The following PLIN1 variants were observed in gnomAD, a reference collection of about 807,000 sequenced individuals.
The protein encoded by PLIN1 is perilipin 1.
A neutral mutation model predicts 45.8 loss-of-function variants in PLIN1; 37 were observed. That is an observed-to-expected ratio of 0.81 (90% CI 0.62 to 1.06). The LOEUF (loss-of-function observed/expected upper bound fraction) is 1.06. Ranked by LOEUF, PLIN1 falls within the 50% of genes least tolerant of loss-of-function variation. The pLI, the probability that PLIN1 is intolerant of heterozygous loss-of-function variation, is 0.00. For missense variants in PLIN1, 776 were observed against 716.5 expected (o/e 1.08, Z -0.95); for synonymous variants, 340 against 309.2 (o/e 1.10, Z -1.05).
chr15:89,672,528 G>T (rs1237363513), intron 3 of PLIN1, among the ~76,000 whole-genome samples: 2 of 152,210 alleles, frequency 1.3e-5, no homozygotes, highest in Non-Finnish European at 2.9e-5. Flanking sequence ...TTGCTGTGTG[G>T]AGTCCTCAGC....
At chr15:89,666,401 T>C (rs1305287447) in intron 8 of PLIN1, among the ~76,000 whole-genome samples, 1 of 152,178 alleles carries the variant, frequency 6.6e-6, no homozygotes, top group Non-Finnish European at 1.5e-5. Context: ...CTTTCTGCCC[T>C]GACCAGCCCC....
chr15:89,667,582 G>A lies in PLIN1; in HGVS notation c.963+20C>T, dbSNP rs781691900. ...CTTCTGTGGGCTGGGGGACCTTGAG[G>A]CTCCCACTCTCCCCCTCACCTCACT... On this transcript the variant is annotated intron_variant, in intron 7 of 8. Transcript: ENST00000300055. The A allele has an allele frequency of 6.2e-7, 1 of 1,614,062 alleles. No individual in the cohort carries two copies. The highest frequency in any genetic ancestry group is 2.2e-5 in the East Asian group (1 of 44,870).
Position 89,667,743 on chromosome 15 carries a change from C to T in PLIN1, c.822G>A (p.Arg274=), listed in dbSNP as rs1341739037. The change falls in exon 7 of 9, where the codon CGG becomes CGA. Residue 274 remains arginine, a synonymous_variant. Coordinates refer to ENST00000300055, the MANE Select transcript of PLIN1 (RefSeq NM_002666.5). ...AGGGTACCCGCACTTCGCTCCTCCG[C>T]CGGGACACCGCCTGCATGGCCACTG... is the stretch of plus-strand genomic sequence containing the variant. ...GASVAMQAVS[R]RRSEVRVPWL... 6.4e-7 allele frequency: 1 copy of T among 1,566,620 alleles called. No homozygotes were observed.
Position 89,667,742 on chromosome 15 carries a change from G to A in PLIN1, c.823C>T (p.Arg275Trp), listed in dbSNP as rs531935826. Residue 275 changes from arginine to tryptophan, a missense_variant, in exon 7 of 9, where the codon CGG becomes TGG. Coordinates refer to ENST00000300055, the MANE Select transcript of PLIN1 (RefSeq NM_002666.5). The part of the protein sequence containing the change: ...ASVAMQAVSR[R>W]RSEVRVPWLH... The stretch of plus-strand genomic sequence containing the variant: ...CAGGGTACCCGCACTTCGCTCCTCC[G>A]CCGGGACACCGCCTGCATGGCCACT... 6.3e-5 allele frequency: 99 copies of A among 1,567,412 alleles called. No homozygotes were observed. Among genetic ancestry groups the A allele is most frequent in the Non-Finnish European group, 7.3e-5 (84 of 1,156,138 alleles).
intron 5 of PLIN1, 94 bp from the exon 6 acceptor site, chr15:89,669,766 A>G (rs1481292012): frequency 1.8e-6 from 2 of 1,092,668 alleles, no homozygotes; most frequent in East Asian, 7.7e-5. Flanking sequence ...TAGGTGTTCT[A>G]GGTCCACCAC....
At chr15:89,670,352 A>G (rs1964422378) in intron 4 of PLIN1, 108 bp from the exon 5 acceptor site, 2 of 1,168,326 alleles carry the variant, frequency 1.7e-6, no homozygotes, top group East Asian at 2.4e-5. Context: ...GGCATCACCT[A>G]AAGGCCCAGG....
At position 89,667,182 on chromosome 15, in the gene PLIN1, C is replaced by G. The variant is rs201579932; in HGVS notation, c.964-1G>C. 19 of 1,612,986 alleles carry G rather than the reference C, an allele frequency of 1.2e-5. No individual in the cohort carries two copies. In the East Asian group the frequency reaches 3.8e-4, roughly 32 times the overall value. ...CTCGAGGGCCTGGCAGGGCTGCTAC[C>G]TGGGGGCCAAAGCAGGGTCAGTGCC... On this transcript the variant is annotated splice_acceptor_variant, in intron 7 of 8. Transcript: ENST00000300055. LOFTEE classifies it high-confidence loss of function.
At chr15:89,672,726 T>C (rs910212072) in intron 3 of PLIN1, among the ~76,000 whole-genome samples, 1 of 152,230 alleles carries the variant, frequency 6.6e-6, no homozygotes, top group Admixed American at 6.5e-5. Context: ...CTGGAGGCTC[T>C]CTGCCACCCC....
In PLIN1 at chr15:89,669,496, T is replaced by C; in HGVS notation, c.771+4A>G. ...GTCAGTCAGAGCTCACGGCAGATAC[T>C]TACCAGGGGCACCACGCCTGGGATC... is the stretch of plus-strand genomic sequence containing the variant. On this transcript the variant is annotated splice_donor_region_variant and intron_variant, in intron 6 of 8. Coordinates refer to ENST00000300055, the MANE Select transcript of PLIN1 (RefSeq NM_002666.5). The C allele has an allele frequency of 6.2e-7, 1 of 1,610,482 alleles. No individual in the cohort carries two copies. Among genetic ancestry groups the C allele is most frequent in the Non-Finnish European group, 8.5e-7 (1 of 1,179,646 alleles).
Position 89,667,591 on chromosome 15 carries a change from C to A in PLIN1, c.963+11G>T. 1 of 1,613,934 alleles carries A rather than the reference C, an allele frequency of 6.2e-7. No individual in the cohort carries two copies. The highest frequency in any genetic ancestry group is 8.5e-7 in the Non-Finnish European group (1 of 1,179,778). ...GCTGGGGGACCTTGAGGCTCCCACT[C>A]TCCCCCTCACCTCACTGAACTTGTT... On this transcript the variant is annotated intron_variant, in intron 7 of 8. Transcript: ENST00000300055.
intron 6 of PLIN1, among the ~76,000 whole-genome samples, chr15:89,668,033 C>G (rs911888075): frequency 6.6e-6 from 1 of 152,196 alleles, no homozygotes; most frequent in Non-Finnish European, 1.5e-5. Flanking sequence ...CACCACAGAT[C>G]AAGACATAGA....
At chr15:89,668,976 A>AGGTGGGGAGT (rs536614029) in intron 6 of PLIN1, among the ~76,000 whole-genome samples, 65 of 152,036 alleles carry the variant, frequency 4.3e-4, no homozygotes, top group African/African-American at 1.5e-3. Flanking sequence ...AGAGAGGTGG[A>AGGTGGGGAGT]GGTGGGGAGT....
chr15:89,678,509 C>CA (rs796189693), intron 1 of PLIN1, among the ~76,000 whole-genome samples: 1,923 of 129,814 alleles, frequency 0.015, 30 homozygotes, highest in African/African-American at 0.049. Flanking sequence ...GACTCTGTCT[C>CA]AAAAAAAAAA....
chr15:89,671,427 T>C, intron 4 of PLIN1, 55 bp downstream of exon 4: 1 of 1,243,976 alleles, frequency 8.0e-7, no homozygotes, highest in Non-Finnish European at 1.2e-6. Flanking sequence ...CTCTCCTCCC[T>C]GAGAGGCGGT....
intron 4 of PLIN1, among the ~76,000 whole-genome samples, chr15:89,670,975 G>A (rs1421188383): frequency 6.6e-6 from 1 of 152,174 alleles, no homozygotes; most frequent in African/African-American, 2.4e-5. Flanking sequence ...TGAGGTCAGA[G>A]ACTGAAGCTT....
Position 89,670,008 on chromosome 15 carries a change from G to A in PLIN1, c.570C>T (p.Tyr190=). The A allele has an allele frequency of 1.9e-6, 3 of 1,612,994 alleles. No homozygotes were observed. Among genetic ancestry groups the A allele is most frequent in the Non-Finnish European group, 2.5e-6 (3 of 1,179,704 alleles). Residue 190 remains tyrosine, a synonymous_variant, in exon 5 of 9, where the codon TAC becomes TAT. Coordinates refer to ENST00000300055, the MANE Select transcript of PLIN1 (RefSeq NM_002666.5). ...ACTCTTCCTTGTCTGGAGGGAGGAG[G>A]TACTCCACCACCTTCTCAATGCTGC... ...ALGSIEKVVE[Y]LLPPDKEESA... is the part of the protein sequence containing the mutation.
At position 89,670,028 on chromosome 15, in the gene PLIN1, T is replaced by A; in HGVS notation, c.550A>T (p.Ile184Phe). The A allele has an allele frequency of 6.2e-7, 1 of 1,613,848 alleles. No homozygotes were observed. Among genetic ancestry groups the A allele is most frequent in the Middle Eastern group, 1.6e-4 (1 of 6,062 alleles). The change falls in exon 5 of 9, where the codon ATT (isoleucine) becomes TTT (phenylalanine). Residue 184 changes from isoleucine (I) to phenylalanine (F), a missense_variant. By Grantham distance (21) the Ile-to-Phe change is conservative. Transcript: ENST00000300055. ...SGGADLALGS[I>F]EKVVEYLLPP... ...AGGAGGTACTCCACCACCTTCTCAA[T>A]GCTGCCCAAGGCCAAGTCGGCCCCT...
chr15:89,678,519 A>G (rs1249104302), intron 1 of PLIN1, among the ~76,000 whole-genome samples: 1 of 151,962 alleles, frequency 6.6e-6, no homozygotes, highest in African/African-American at 2.4e-5. Flanking sequence ...CAAAAAAAAA[A>G]AGGAGTTCAG....
In PLIN1 at chr15:89,666,946, T is replaced by A. The variant is rs1043065599; in HGVS notation, c.1199A>T (p.His400Leu). ...AGGGGTGGTACTCACCGGCACGTAA[T>A]GCACCACTGTGTCCACCACGTTGTC... ...VTDNVVDTVV[H>L]YVPLPRLSLM... The change falls in exon 8 of 9, where the codon CAT becomes CTT. Residue 400 changes from histidine (H) to leucine (L), a missense_variant. Physicochemically the swap from His to Leu is moderately conservative, Grantham distance 99. Transcript: ENST00000300055. 2.5e-6 allele frequency: 4 copies of A among 1,614,022 alleles called. No individual in the cohort carries two copies.
Sources: gnomAD v4.1 joint callset for allele counts (sites outside exome capture counted in the v4.1 genomes callset) on GRCh38, gnomAD v4.1.1 for gene constraint, MANE v1.5 for transcripts, NCBI Gene and HGNC (gene_info 2026-07-23, HGNC 2026-07-21) for gene names.